The following CAMK4 variants were observed in gnomAD, a reference collection of about 807,000 sequenced individuals.
The protein encoded by CAMK4 is calcium/calmodulin dependent protein kinase IV.
A neutral mutation model predicts 44.9 loss-of-function variants in CAMK4; 22 were observed. The observed-to-expected ratio is 0.49, with a 90% confidence interval of 0.35 to 0.70. CAMK4 has a LOEUF of 0.70. Among genes scored for constraint, CAMK4 ranks in the 30% least tolerant of loss-of-function variants. CAMK4 has a pLI of 0.01. For missense variants in CAMK4, 498 were observed against 586.8 expected (o/e 0.85, Z 1.56); for synonymous variants, 218 against 215.4 (o/e 1.01, Z -0.11).
rs79087241 is a variant in CAMK4, at chr5:111,476,967, A to G, written c.702-1414A>G. Among the ~76,000 whole-genome samples the G allele has an allele frequency of 2.4e-4, 36 of 152,354 alleles. No homozygotes were observed. In the East Asian group the frequency reaches 5.8e-3, roughly 24 times the overall value. On this transcript the variant is annotated intron_variant, in intron 8 of 10. Coordinates refer to ENST00000282356, the MANE Select transcript of CAMK4 (RefSeq NM_001744.6). ...GTCATTTTTGTCTCTAGATTTTCAG[A>G]AGGGGAAATATAAGGAAACTCCTAA...
intron 7 of CAMK4, among the ~76,000 whole-genome samples, chr5:111,467,316 T>C (rs933549079): frequency 2.2e-5 from 3 of 137,210 alleles, no homozygotes; most frequent in Non-Finnish European, 3.1e-5. Flanking sequence ...CAAATGCAAC[T>C]TTGTTTTTAC....
chr5:111,231,593 G>A (rs1748480594), intron 1 of CAMK4, among the ~76,000 whole-genome samples: 1 of 152,078 alleles, frequency 6.6e-6, no homozygotes, highest in Non-Finnish European at 1.5e-5. Flanking sequence ...ATGTTAATTT[G>A]GCTTTACTGA....
intron 3 of CAMK4, among the ~76,000 whole-genome samples, chr5:111,375,708 A>C (rs1751188948): frequency 6.6e-6 from 1 of 152,160 alleles, no homozygotes; most frequent in Non-Finnish European, 1.5e-5. Flanking sequence ...GCAAGCAACA[A>C]AAATCAGGCA....
chr5:111,224,386 C>A lies in CAMK4; in HGVS notation c.-98C>A. 7.0e-7 allele frequency: 1 copy of A among 1,434,694 alleles called. No homozygotes were observed. The highest frequency in any genetic ancestry group is 1.5e-5 in the South Asian group (1 of 68,818). 88.9% of individuals were successfully genotyped at this position (1,434,694 alleles called of 1,614,324 possible). A position where few individuals can be genotyped will look rare whatever the true frequency, so the allele number is the denominator to read the frequency against. On this transcript the variant is annotated 5_prime_UTR_variant, in exon 1 of 11. Coordinates refer to ENST00000282356, the MANE Select transcript of CAMK4 (RefSeq NM_001744.6). This position sits in a 1 kb window ranked among gnomAD's most constrained non-coding sequence, Gnocchi z 5.7. ...TGCGCGCGTGAAGGACGCCGCCTCT[C>A]TCTCGCTCCTGCGTTCGCAGGCGGC...
At chr5:111,478,285 G>A in intron 8 of CAMK4, 96 bp from the exon 9 acceptor site, 3 of 656,548 alleles carry the variant, frequency 4.6e-6, no homozygotes, top group Non-Finnish European at 7.4e-6. Context: ...ATGGCAGGAA[G>A]CAGTGAAAAA....
chr5:111,245,069 CA>C (rs1455674234), intron 1 of CAMK4, among the ~76,000 whole-genome samples: 1 of 151,964 alleles, frequency 6.6e-6, no homozygotes, highest in Non-Finnish European at 1.5e-5. Flanking sequence ...GAATATTTAG[CA>C]AAACTCACAT....
At chr5:111,373,245 G>A (rs535910808) in intron 2 of CAMK4, among the ~76,000 whole-genome samples, 37 of 152,026 alleles carry the variant, frequency 2.4e-4, no homozygotes, top group South Asian at 1.2e-3. Flanking sequence ...GTTTTATTGC[G>A]TATACGGGTG....
intron 4 of CAMK4, among the ~76,000 whole-genome samples, chr5:111,378,017 C>G (rs1355319310): frequency 6.6e-6 from 1 of 152,066 alleles, no homozygotes; most frequent in Non-Finnish European, 1.5e-5. Flanking sequence ...TTGCCAGGGT[C>G]TGAATGTTTG....
intron 1 of CAMK4, among the ~76,000 whole-genome samples, chr5:111,293,920 T>C (rs1026346738): frequency 2.0e-5 from 3 of 151,932 alleles, no homozygotes; most frequent in Non-Finnish European, 4.4e-5. Context: ...CTAATTTTTT[T>C]GTATTTTTAG....
intron 1 of CAMK4, among the ~76,000 whole-genome samples, chr5:111,331,284 C>A (rs867625185): frequency 6.6e-6 from 1 of 151,216 alleles, no homozygotes; most frequent in South Asian, 2.1e-4. Context: ...GGGCAAAAGA[C>A]CAAAATGCTT....
intron 1 of CAMK4, among the ~76,000 whole-genome samples, chr5:111,256,804 C>G (rs973201496): frequency 1.3e-5 from 2 of 152,124 alleles, no homozygotes; most frequent in Admixed American, 6.5e-5. Flanking sequence ...CATGGGCACA[C>G]TTGTAAAGTG....
In CAMK4 at chr5:111,224,409, G is replaced by A. The variant is rs548464045; in HGVS notation, c.-75G>A. Reference sequence around the variant, plus strand: ...CTCTCTCGCTCCTGCGTTCGCAGGCGGCGGCTGGCGGCCGGCTTCTCGCTC... The same window carrying A: ...CTCTCTCGCTCCTGCGTTCGCAGGCAGCGGCTGGCGGCCGGCTTCTCGCTC... On this transcript the variant is annotated 5_prime_UTR_variant, in exon 1 of 11. Coordinates refer to ENST00000282356, the MANE Select transcript of CAMK4 (RefSeq NM_001744.6). This position sits in a 1 kb window ranked among gnomAD's most constrained non-coding sequence, Gnocchi z 5.7. 12 of 1,482,440 alleles carry A rather than the reference G, an allele frequency of 8.1e-6. No individual in the cohort carries two copies. The highest frequency in any genetic ancestry group is 1.1e-5 in the Non-Finnish European group (12 of 1,121,052). 91.8% of individuals were successfully genotyped at this position (1,482,440 alleles called of 1,614,324 possible).
chr5:111,331,031 G>A (rs560566287), intron 1 of CAMK4, among the ~76,000 whole-genome samples: 1 of 151,540 alleles, frequency 6.6e-6, no homozygotes, highest in Non-Finnish European at 1.5e-5. Flanking sequence ...AAGAAAACTA[G>A]GATAATATCT....
intron 1 of CAMK4, among the ~76,000 whole-genome samples, chr5:111,343,531 A>G (rs1376801376): frequency 6.6e-6 from 1 of 151,752 alleles, no homozygotes; most frequent in Admixed American, 6.6e-5. Flanking sequence ...ACAGATTACC[A>G]TCTCCTCTAC....
rs1361361662 is a variant in CAMK4, at chr5:111,335,462, A to C, written c.162-8562A>C. Among the ~76,000 whole-genome samples, 3 of 151,384 alleles carry C rather than the reference A, an allele frequency of 2.0e-5. No homozygotes were observed. In the Admixed American group the frequency reaches 2.0e-4, roughly 10 times the overall value. On this transcript the variant is annotated intron_variant, in intron 1 of 10. Coordinates refer to ENST00000282356, the MANE Select transcript of CAMK4 (RefSeq NM_001744.6). ...CACTCCTGCATTGTTTTTTGGAGGA[A>C]AAAATAAAATTAAACCAATTTATCT...
intron 1 of CAMK4, among the ~76,000 whole-genome samples, chr5:111,248,961 G>A (rs952733): frequency 0.3 from 44,951 of 149,120 alleles, 7,087 homozygotes; most frequent in Middle Eastern, 0.44. Context: ...TATTGCGGGG[G>A]CGGTGTGTGG....
At chr5:111,279,758 T>C (rs1750928271) in intron 1 of CAMK4, among the ~76,000 whole-genome samples, 2 of 152,206 alleles carry the variant, frequency 1.3e-5, no homozygotes, top group African/African-American at 4.8e-5. Context: ...TGTGTGTGTA[T>C]ATTTACCCAT....
chr5:111,467,934 T>TCACACACACACACACA (rs60254627), intron 7 of CAMK4, among the ~76,000 whole-genome samples: 4 of 143,350 alleles, frequency 2.8e-5, no homozygotes, highest in Admixed American at 7.0e-5. Context: ...AAAGAAATTG[T>TCACACACACACACACA]CACACACACA....
intron 5 of CAMK4, among the ~76,000 whole-genome samples, chr5:111,411,336 G>A (rs1752625343): frequency 6.6e-6 from 1 of 152,110 alleles, no homozygotes; most frequent in African/African-American, 2.4e-5. Flanking sequence ...TCTCATAATT[G>A]CAAAAGAGTC....
Sources: gnomAD v4.1 joint callset for allele counts (sites outside exome capture counted in the v4.1 genomes callset) on GRCh38, gnomAD v4.1.1 for gene constraint, Gnocchi (gnomAD v3.1) non-coding constraint, MANE v1.5 for transcripts, NCBI Gene and HGNC (gene_info 2026-07-23, HGNC 2026-07-21) for gene names.